Variants in FGF13 observed in about 807,000 individuals in gnomAD.
FGF13 encodes fibroblast growth factor 13, also known as fibroblast growth factor homologous factor 2.
FGF13 carries 2 observed loss-of-function variants against 19.5 expected under a neutral mutation model. The observed-to-expected ratio is 0.10, with a 90% CI of 0.04 to 0.32. FGF13 has a LOEUF of 0.32. Ranked by LOEUF, FGF13 falls within the 10% of genes least tolerant of loss-of-function variation. The probability of loss-of-function intolerance (pLI) is 1.00; values close to 1 mark genes in which losing one functional copy is unlikely to be tolerated. For synonymous variants in FGF13, 72 were observed against 76.9 expected (o/e 0.94, Z 0.33); for missense variants, 113 against 192.7 (o/e 0.59, Z 2.45).
chrX:139,134,032 C>T (rs1220683664), intron 1 of FGF13, among the ~76,000 whole-genome samples: 4 of 111,453 alleles, frequency 3.6e-5, no homozygotes, highest in South Asian at 3.9e-4. Context: ...AATTATTTTA[C>T]GAATATTCTT....
intron 1 of FGF13, among the ~76,000 whole-genome samples, chrX:139,015,035 C>T (rs2092147175): frequency 9.0e-6 from 1 of 110,805 alleles, no homozygotes; most frequent in Non-Finnish European, 1.9e-5. Flanking sequence ...GACAAAAACC[C>T]TCAAAAAACT....
At chrX:139,071,842 C>G (rs1452886262) in intron 1 of FGF13, among the ~76,000 whole-genome samples, 3 of 107,709 alleles carry the variant, frequency 2.8e-5, no homozygotes, top group Non-Finnish European at 5.7e-5. Context: ...ATGGTGAAAC[C>G]CCATCTCTAC....
chrX:138,744,330 A>C (rs769891576), upstream of FGF13, among the ~76,000 whole-genome samples: 1 of 111,827 alleles, frequency 8.9e-6, no homozygotes, highest in East Asian at 2.8e-4. Flanking sequence ...TATGGAAGGC[A>C]TAGGTAAAGA....
intron 3 of FGF13, among the ~76,000 whole-genome samples, chrX:138,778,858 G>A (rs2090613900): frequency 8.9e-6 from 1 of 112,577 alleles, no homozygotes; most frequent in Non-Finnish European, 1.9e-5. Context: ...TCCACCTCTG[G>A]GGGCAGGGCA....
intron 1 of FGF13, among the ~76,000 whole-genome samples, chrX:139,074,773 T>C (rs1569450422): frequency 1.8e-5 from 2 of 112,585 alleles, no homozygotes; most frequent in Admixed American, 1.9e-4. Context: ...TCTCCACTTT[T>C]ATGTGCTGTG....
intron 1 of FGF13, among the ~76,000 whole-genome samples, chrX:139,097,823 G>A (rs1252092318): frequency 9.0e-6 from 1 of 111,671 alleles, no homozygotes; most frequent in East Asian, 2.8e-4. Flanking sequence ...ATTATTTGTA[G>A]ATGATATCAT....
intron 3 of FGF13, among the ~76,000 whole-genome samples, chrX:138,701,470 G>A (rs371710372): frequency 3.3e-4 from 37 of 111,857 alleles, no homozygotes; most frequent in African/African-American, 8.4e-4. Context: ...ATAAAATGAC[G>A]TATTTCATGA....
At position 138,866,987 on chromosome X, in the gene FGF13, T is replaced by C. The variant is rs1602976060; in HGVS notation, c.-112-2337A>G. 8.9e-5 allele frequency among the ~76,000 whole-genome samples: 10 copies of C among 111,785 alleles called. No homozygotes were observed. In the South Asian group the frequency reaches 3.8e-3, roughly 42 times the overall value. Reference sequence around the variant, plus strand: ...GAACATCACCTACAACATGACCTTGTGCAAGTCAATTTCCTATCTCTTACA... The same window carrying C: ...GAACATCACCTACAACATGACCTTGCGCAAGTCAATTTCCTATCTCTTACA... On this transcript the variant is annotated intron_variant, in intron 1 of 2. Transcript: ENST00000421460.
At chrX:138,692,006 C>T (rs1828157849) in intron 3 of FGF13, among the ~76,000 whole-genome samples, 1 of 111,490 alleles carries the variant, frequency 9.0e-6, no homozygotes, top group African/African-American at 3.3e-5. Flanking sequence ...GTCACAATTC[C>T]CTTTAAGTGG....
intron 1 of FGF13, among the ~76,000 whole-genome samples, chrX:138,875,186 T>A (rs1240408299): frequency 1.2e-4 from 12 of 101,708 alleles, no homozygotes; most frequent in Admixed American, 8.7e-4. Flanking sequence ...GAGCCAAGAT[T>A]GCACCACTGC....
At position 138,630,907 on chromosome X, in the gene FGF13, T is replaced by G. The variant is rs184816378; in HGVS notation, c.*1943A>C. 1 of 112,258 alleles carries G rather than the reference T, an allele frequency of 8.9e-6. No homozygotes were observed. Among genetic ancestry groups the G allele is most frequent in the East Asian group, 2.8e-4 (1 of 3,546 alleles). 9.3% of individuals were successfully genotyped at this position (112,258 alleles called of 1,213,427 possible). A position where few individuals can be genotyped will look rare whatever the true frequency, so the allele number is the denominator to read the frequency against. On this transcript the variant is annotated 3_prime_UTR_variant, in exon 5 of 5. Transcript: ENST00000315930. The stretch of plus-strand genomic sequence containing the variant: ...ATGTGCTTAGAACGCTTATATTAGC[T>G]TACAGTTGGACAAAATCATGTACTA...
At chrX:138,790,945 T>C (rs1321838623) in intron 3 of FGF13, among the ~76,000 whole-genome samples, 1 of 112,078 alleles carries the variant, frequency 8.9e-6, no homozygotes, top group African/African-American at 3.2e-5. Flanking sequence ...GTGAGTTCCA[T>C]ATCTGCAGAT....
At chrX:139,071,598 T>C (rs1381609402) in intron 1 of FGF13, among the ~76,000 whole-genome samples, 2 of 111,893 alleles carry the variant, frequency 1.8e-5, no homozygotes, top group East Asian at 5.6e-4. Context: ...ATAACACTGG[T>C]CCCCATTGCT....
intron 1 of FGF13, among the ~76,000 whole-genome samples, chrX:139,042,384 G>A (rs2092272739): frequency 9.0e-6 from 1 of 111,575 alleles, no homozygotes; most frequent in Admixed American, 9.5e-5. Flanking sequence ...TAATATTTCA[G>A]GTAGTGCCTG....
chrX:138,787,035 T>G (rs1569394798), intron 3 of FGF13, among the ~76,000 whole-genome samples: 1 of 112,793 alleles, frequency 8.9e-6, no homozygotes, highest in Non-Finnish European at 1.9e-5. Context: ...GACCAAATTG[T>G]CACTATCTGC....
At chrX:138,810,229 C>T in intron 3 of FGF13, among the ~76,000 whole-genome samples, 1 of 111,952 alleles carries the variant, frequency 8.9e-6, no homozygotes, top group African/African-American at 3.2e-5. Context: ...CAGCATGGTA[C>T]TGGTGCCAAA....
rs977259090 is a variant in FGF13, at chrX:139,066,136, C to A, written c.-113+137280G>T. 2.7e-5 allele frequency among the ~76,000 whole-genome samples: 3 copies of A among 111,565 alleles called. No individual in the cohort carries two copies. The Admixed American group carries it at 2.9e-4, about 11-fold the overall frequency. ...TCTTTGAAACCAATGAGAACAAAGACACAACATACTAGAATCTCTGGGACA... is the reference window on the plus strand; with the variant it reads ...TCTTTGAAACCAATGAGAACAAAGAAACAACATACTAGAATCTCTGGGACA... On this transcript the variant is annotated intron_variant, in intron 1 of 2. Coordinates refer to the FGF13 transcript ENST00000421460.
chrX:138,934,837 T>A, intron 1 of FGF13, among the ~76,000 whole-genome samples: 1 of 110,772 alleles, frequency 9.0e-6, no homozygotes, highest in East Asian at 2.8e-4. Context: ...TAGCCATATA[T>A]CCAGGATGTG....
At chrX:139,165,362 G>A (rs1006308809) in intron 1 of FGF13, among the ~76,000 whole-genome samples, 7 of 111,815 alleles carry the variant, frequency 6.3e-5, no homozygotes, top group Non-Finnish European at 1.1e-4. Context: ...AGAGAGTAGC[G>A]GAACAGAAAG....
Sources: allele counts gnomAD v4.1 joint callset (sites outside exome capture counted in the v4.1 genomes callset), GRCh38; gene constraint gnomAD v4.1.1; transcripts MANE v1.5; gene names NCBI Gene and HGNC (gene_info 2026-07-23, HGNC 2026-07-21).